GALNT18: variants seen among roughly 807,000 people sequenced by gnomAD.
GALNT18 encodes the protein GalNAc-transferase 18.
A neutral mutation model predicts 69.5 loss-of-function variants in GALNT18; 44 were observed. The observed-to-expected ratio is 0.63, with a 90% confidence interval of 0.50 to 0.81. The LOEUF (loss-of-function observed/expected upper bound fraction) is 0.81. Ranked by LOEUF, GALNT18 falls within the 40% of genes least tolerant of loss-of-function variation. The pLI is 0.00. For missense variants in GALNT18, 715 were observed against 810.0 expected (o/e 0.88, Z 1.42); for synonymous variants, 364 against 318.2 (o/e 1.14, Z -1.53).
Position 11,359,274 on chromosome 11 carries a change from G to T in GALNT18, c.1092+13241C>A, listed in dbSNP as rs1850593580. On this transcript the variant is annotated intron_variant, in intron 6 of 10. Transcript: ENST00000227756. ...GCCTTTGGGGAGAACCACATACCCA[G>T]TCTATCATGTGCTTCAATAACACAC... 1.4e-5 allele frequency among the ~76,000 whole-genome samples: 2 copies of T among 141,022 alleles called. 1 individual carries two copies. The highest frequency in any genetic ancestry group is 5.2e-5 in the African/African-American group (2 of 38,154). 92.5% of individuals were successfully genotyped at this position (141,022 alleles called of 152,430 possible).
rs549524237 is a variant in GALNT18 at position 11,605,430 on chromosome 11, C to T, written c.235+15929G>A. Among the ~76,000 whole-genome samples the T allele has an allele frequency of 6.6e-6, 1 of 152,314 alleles. No individual in the cohort carries two copies. Among genetic ancestry groups the T allele is most frequent in the East Asian group, 1.9e-4 (1 of 5,186 alleles). Reference sequence around the variant, plus strand: ...CTGAGTGCGAAACAGCAAGTCCTAACTTGCCAGGCCGCCAGTCACCGCCAC... The same window carrying T: ...CTGAGTGCGAAACAGCAAGTCCTAATTTGCCAGGCCGCCAGTCACCGCCAC... On this transcript the variant is annotated intron_variant, in intron 1 of 10. Transcript: ENST00000227756. The surrounding 1 kb of genome is among the most constrained non-coding windows in gnomAD (Gnocchi z 4.7).
In GALNT18 at chr11:11,480,975, C is replaced by A. The variant is rs1309131840; in HGVS notation, c.236-32039G>T. ...GGGGAGCCCTTCTTTGTGGACACAT[C>A]CCAGGACTGATGTGCCATAGGAAAT... On this transcript the variant is annotated intron_variant, in intron 1 of 10. Transcript: ENST00000227756. This position sits in a 1 kb window ranked among gnomAD's most constrained non-coding sequence, Gnocchi z 4.6. Among the ~76,000 whole-genome samples, 4 of 152,158 alleles carry A rather than the reference C, an allele frequency of 2.6e-5. No individual in the cohort carries two copies. Among genetic ancestry groups the A allele is most frequent in the Admixed American group, 2.0e-4 (3 of 15,280 alleles).
intron 6 of GALNT18, among the ~76,000 whole-genome samples, chr11:11,370,144 A>C (rs1850866246): frequency 1.3e-5 from 2 of 152,236 alleles, no homozygotes; most frequent in Non-Finnish European, 2.9e-5. Flanking sequence ...CATAAGTGCC[A>C]GTAAAACCCA....
intron 9 of GALNT18, among the ~76,000 whole-genome samples, chr11:11,307,543 T>G (rs1849599946): frequency 6.6e-6 from 1 of 152,188 alleles, no homozygotes; most frequent in Non-Finnish European, 1.5e-5. Context: ...AGCTGGGATC[T>G]GAACTCAAGT....
At position 11,444,156 on chromosome 11, in the gene GALNT18, C is replaced by A. The variant is rs1855594256; in HGVS notation, c.428+4588G>T. Among the ~76,000 whole-genome samples, 1 of 152,134 alleles carries A rather than the reference C, an allele frequency of 6.6e-6. No homozygotes were observed. The highest frequency in any genetic ancestry group is 1.5e-5 in the Non-Finnish European group (1 of 68,022). On this transcript the variant is annotated intron_variant, in intron 2 of 10. Coordinates refer to ENST00000227756, the MANE Select transcript of GALNT18 (RefSeq NM_198516.3). This position sits in a 1 kb window ranked among gnomAD's most constrained non-coding sequence, Gnocchi z 4.4. ...GGAGGTGCCTTGCAGATGCCACCCT[C>A]CAGGCCCCGCCTCCCTGCCACAGAG...
chr11:11,396,379 G>A lies in GALNT18; in HGVS notation c.596-17115C>T, dbSNP rs1289754350. ...GAGATTAAATGATGTCATCAGCAGT[G>A]GGGGGAGGAGAAACGCATGAAATGG... is the stretch of plus-strand genomic sequence containing the variant. On this transcript the variant is annotated intron_variant, in intron 3 of 10. Transcript: ENST00000227756. This position sits in a 1 kb window ranked among gnomAD's most constrained non-coding sequence, Gnocchi z 5.2. Among the ~76,000 whole-genome samples the A allele has an allele frequency of 1.3e-5, 2 of 152,140 alleles. No homozygotes were observed. Among genetic ancestry groups the A allele is most frequent in the Non-Finnish European group, 2.9e-5 (2 of 68,028 alleles).
intron 6 of GALNT18, among the ~76,000 whole-genome samples, chr11:11,370,819 A>G (rs1319107783): frequency 2.6e-5 from 4 of 152,224 alleles, no homozygotes; most frequent in African/African-American, 9.7e-5. Flanking sequence ...CCATTCCTGC[A>G]CATTTTTACC....
At position 11,570,393 on chromosome 11, in the gene GALNT18, C is replaced by A. The variant is rs77449703; in HGVS notation, c.235+50966G>T. On this transcript the variant is annotated intron_variant, in intron 1 of 10. Transcript: ENST00000227756. ...CTTCCCTCTCCTTACAGCTAGCCCACCAGCCCTCACATGATCTAGCCTCTG... is the reference window on the plus strand; with the variant it reads ...CTTCCCTCTCCTTACAGCTAGCCCAACAGCCCTCACATGATCTAGCCTCTG... Among the ~76,000 whole-genome samples, 588 of 152,334 alleles carry A rather than the reference C, an allele frequency of 3.9e-3. 4 individuals carry two copies. The highest frequency in any genetic ancestry group is 0.014 in the African/African-American group (563 of 41,578).
rs1160517052 is a variant in GALNT18, at chr11:11,543,244, G to T, written c.235+78115C>A. Among the ~76,000 whole-genome samples, 2 of 152,196 alleles carry T rather than the reference G, an allele frequency of 1.3e-5. No homozygotes were observed. The highest frequency in any genetic ancestry group is 4.1e-4 in the South Asian group (2 of 4,822). Reference sequence around the variant, plus strand: ...TTGGAAAGTTGTTAATTCCAGCCAGGCTGATCTGTGATCATTGCAAGTTGT... The same window carrying T: ...TTGGAAAGTTGTTAATTCCAGCCAGTCTGATCTGTGATCATTGCAAGTTGT... On this transcript the variant is annotated intron_variant, in intron 1 of 10. Transcript: ENST00000227756. This position sits in a 1 kb window ranked among gnomAD's most constrained non-coding sequence, Gnocchi z 5.1.
rs1854838461 is a variant in GALNT18 at position 11,415,681 on chromosome 11, A to C, written c.595+16940T>G. On this transcript the variant is annotated intron_variant, in intron 3 of 10. Coordinates refer to ENST00000227756, the MANE Select transcript of GALNT18 (RefSeq NM_198516.3). The surrounding 1 kb of genome is among the most constrained non-coding windows in gnomAD (Gnocchi z 4.1). Reference sequence around the variant, plus strand: ...CTAAAGTGGGCATAAAAACCCTAAAACATAGAACAGAAAAGACAGAATCTA... The same window carrying C: ...CTAAAGTGGGCATAAAAACCCTAAACCATAGAACAGAAAAGACAGAATCTA... Among the ~76,000 whole-genome samples, 1 of 152,110 alleles carries C rather than the reference A, an allele frequency of 6.6e-6. No individual in the cohort carries two copies. The highest frequency in any genetic ancestry group is 2.4e-5 in the African/African-American group (1 of 41,410).
At chr11:11,493,719 C>T (rs576591190) in intron 1 of GALNT18, among the ~76,000 whole-genome samples, 49 of 149,620 alleles carry the variant, frequency 3.3e-4, no homozygotes, top group Non-Finnish European at 6.5e-4. Context: ...GTAGGAGGCC[C>T]TGCTAAGGCC....
intron 6 of GALNT18, among the ~76,000 whole-genome samples, chr11:11,368,747 T>C (rs1850829687): frequency 6.6e-6 from 1 of 152,258 alleles, no homozygotes; most frequent in African/African-American, 2.4e-5. Flanking sequence ...TTTCAATCTC[T>C]TCTTTTTCTA....
At chr11:11,328,994 C>A (rs926000102) in intron 8 of GALNT18, among the ~76,000 whole-genome samples, 1 of 151,582 alleles carries the variant, frequency 6.6e-6, no homozygotes, top group Non-Finnish European at 1.5e-5. Context: ...TCCCCCACCC[C>A]CCACCATCCC....
At chr11:11,481,414 A>C (rs943238549) in intron 1 of GALNT18, among the ~76,000 whole-genome samples, 2 of 152,210 alleles carry the variant, frequency 1.3e-5, no homozygotes, top group Admixed American at 6.5e-5. Context: ...AACATGAGAC[A>C]AGAAGGGAAG....
intron 6 of GALNT18, among the ~76,000 whole-genome samples, chr11:11,344,797 A>T (rs894029354): frequency 6.6e-6 from 1 of 152,054 alleles, no homozygotes; most frequent in African/African-American, 2.4e-5. Flanking sequence ...CACCCTGAAC[A>T]TGGGGACAGG....
At position 11,377,633 on chromosome 11, in the gene GALNT18, C is replaced by T. The variant is rs1460734524; in HGVS notation, c.780-254G>A. Among the ~76,000 whole-genome samples, 1 of 151,290 alleles carries T rather than the reference C, an allele frequency of 6.6e-6. No individual in the cohort carries two copies. Among genetic ancestry groups the T allele is most frequent in the Non-Finnish European group, 1.5e-5 (1 of 67,936 alleles). On this transcript the variant is annotated intron_variant, in intron 4 of 10. Transcript: ENST00000227756. This position sits in a 1 kb window ranked among gnomAD's most constrained non-coding sequence, Gnocchi z 4.6. Reference sequence around the variant, plus strand: ...CTGAGCTGAGAGATTCTTATTCCAGCCAACCTTGTGCCTGCTCGCTTTCCC... The same window carrying T: ...CTGAGCTGAGAGATTCTTATTCCAGTCAACCTTGTGCCTGCTCGCTTTCCC...
Position 11,377,502 on chromosome 11 carries a change from T to C in GALNT18, c.780-123A>G. ...AGGAAGGCCTGCCCATCTCCTCTGATGGAGAGGTGCACTGCCTTCTGGGAA... is the reference window on the plus strand; with the variant it reads ...AGGAAGGCCTGCCCATCTCCTCTGACGGAGAGGTGCACTGCCTTCTGGGAA... On this transcript the variant is annotated intron_variant, in intron 4 of 10. Coordinates refer to ENST00000227756, the MANE Select transcript of GALNT18 (RefSeq NM_198516.3). The surrounding 1 kb of genome is among the most constrained non-coding windows in gnomAD (Gnocchi z 4.6). The C allele has an allele frequency of 1.3e-6, 1 of 795,610 alleles. No homozygotes were observed. The highest frequency in any genetic ancestry group is 1.7e-5 in the South Asian group (1 of 60,256). The allele number at this position is 795,610 out of a possible 1,614,324, so 49.3% of individuals were successfully genotyped here.
intron 1 of GALNT18, among the ~76,000 whole-genome samples, chr11:11,467,862 G>A (rs1362157333): frequency 6.6e-6 from 1 of 152,196 alleles, no homozygotes; most frequent in Non-Finnish European, 1.5e-5. Context: ...ATTAAGGATA[G>A]TGGTTTCCAA....
rs999417759 is a variant in GALNT18, at chr11:11,439,428, C to T, written c.429-6641G>A. 2.0e-5 allele frequency among the ~76,000 whole-genome samples: 3 copies of T among 152,172 alleles called. No individual in the cohort carries two copies. Among genetic ancestry groups the T allele is most frequent in the Non-Finnish European group, 4.4e-5 (3 of 68,034 alleles). Reference sequence around the variant, plus strand: ...CCTGCATAGGTTTGGTTCCTTGCTCCCTGAGAACACGTACATAACCCAGTA... The same window carrying T: ...CCTGCATAGGTTTGGTTCCTTGCTCTCTGAGAACACGTACATAACCCAGTA... On this transcript the variant is annotated intron_variant, in intron 2 of 10. Transcript: ENST00000227756. The surrounding 1 kb of genome is among the most constrained non-coding windows in gnomAD (Gnocchi z 4.4).
Sources: allele counts gnomAD v4.1 joint callset (sites outside exome capture counted in the v4.1 genomes callset), GRCh38; gene constraint gnomAD v4.1.1; non-coding constraint Gnocchi (gnomAD v3.1); transcripts MANE v1.5; gene names NCBI Gene and HGNC (gene_info 2026-07-23, HGNC 2026-07-21).